MINDY4B: variants seen among roughly 807,000 people sequenced by gnomAD.
MINDY4B encodes the protein inactive ubiquitin carboxyl-terminal hydrolase MINDY-4B.
A neutral mutation model predicts 16.7 loss-of-function variants in MINDY4B; 25 were observed. The ratio of observed to expected loss-of-function variants is 1.49; its 90% CI spans 1.09 to 2.09. MINDY4B has a LOEUF of 2.09. MINDY4B is among the 30% of genes most tolerant of loss of function. The pLI is 0.00. For synonymous variants in MINDY4B, 132 were observed against 61.9 expected, an observed-to-expected ratio of 2.13 and a Z score of -5.32; for missense variants, 327 against 168.4, an observed-to-expected ratio of 1.94 and a Z score of -5.21.
intron 9 of MINDY4B, among the ~76,000 whole-genome samples, chr3:150,883,359 T>A (rs898444857): frequency 6.6e-6 from 1 of 152,216 alleles, no homozygotes; most frequent in Non-Finnish European, 1.5e-5. Flanking sequence ...AGCATGAAGC[T>A]AAGATGTTTT....
chr3:150,891,328 T>C (rs1486310223), intron 5 of MINDY4B, among the ~76,000 whole-genome samples: 4 of 152,218 alleles, frequency 2.6e-5, no homozygotes, highest in Non-Finnish European at 5.9e-5. Flanking sequence ...CTTTACACAG[T>C]GGGAGACCTT....
At chr3:150,878,481 C>T (rs912929393) in intron 10 of MINDY4B, among the ~76,000 whole-genome samples, 1 of 152,122 alleles carries the variant, frequency 6.6e-6, no homozygotes, top group Non-Finnish European at 1.5e-5. Flanking sequence ...TAAACATCCT[C>T]AGGGTTTCAA....
intron 10 of MINDY4B, among the ~76,000 whole-genome samples, chr3:150,874,061 G>A (rs1275353604): frequency 7.2e-6 from 1 of 138,406 alleles, no homozygotes; most frequent in East Asian, 2.1e-4. Context: ...TGTCATCCAG[G>A]CTATAATGCA....
chr3:150,889,339 C>T (rs1034818004), intron 7 of MINDY4B, among the ~76,000 whole-genome samples: 1 of 152,218 alleles, frequency 6.6e-6, no homozygotes, highest in Admixed American at 6.5e-5. Flanking sequence ...CTTCCATCAT[C>T]GAAGCGGATC....
At chr3:150,897,106 A>G (rs1711992090) in intron 3 of MINDY4B, among the ~76,000 whole-genome samples, 1 of 152,126 alleles carries the variant, frequency 6.6e-6, no homozygotes, top group Admixed American at 6.5e-5. Context: ...CTCACTAGGT[A>G]ACTCAAGGAT....
At chr3:150,897,623 A>G (rs955177052) in intron 3 of MINDY4B, among the ~76,000 whole-genome samples, 3 of 152,114 alleles carry the variant, frequency 2.0e-5, no homozygotes, top group Non-Finnish European at 2.9e-5. Context: ...TGTTCTTCCT[A>G]TGTTGGCCCA....
At chr3:150,898,602 T>C (rs1712035340) in intron 3 of MINDY4B, among the ~76,000 whole-genome samples, 1 of 152,250 alleles carries the variant, frequency 6.6e-6, no homozygotes, top group African/African-American at 2.4e-5. Flanking sequence ...GTCTAGTAAC[T>C]AGAAACAGAT....
At chr3:150,896,629 G>A (rs1011344020) in intron 3 of MINDY4B, among the ~76,000 whole-genome samples, 9 of 152,148 alleles carry the variant, frequency 5.9e-5, no homozygotes, top group African/African-American at 2.2e-4. Context: ...CCTGAGAGCT[G>A]CAGTGATTGT....
At chr3:150,871,671 A>G (rs890639875) in intron 11 of MINDY4B, among the ~76,000 whole-genome samples, 13 of 152,160 alleles carry the variant, frequency 8.5e-5, no homozygotes, top group Non-Finnish European at 1.3e-4. Context: ...CAGCATGGTG[A>G]AACCCTGTCT....
intron 3 of MINDY4B, among the ~76,000 whole-genome samples, chr3:150,895,780 TA>T (rs1463047081): frequency 6.6e-6 from 1 of 152,186 alleles, no homozygotes; most frequent in Non-Finnish European, 1.5e-5. Context: ...TCACAGCTCT[TA>T]AGATTCTTTC....
intron 7 of MINDY4B, 84 bp from the exon 8 acceptor site, chr3:150,885,522 A>C: frequency 4.4e-6 from 3 of 677,000 alleles, no homozygotes; most frequent in Non-Finnish European, 8.0e-6. Context: ...AAGGATTTAC[A>C]GGCTGAGAGA....
chr3:150,904,796 A>G (rs1055366280), intron 2 of MINDY4B, among the ~76,000 whole-genome samples: 1 of 152,218 alleles, frequency 6.6e-6, no homozygotes. Flanking sequence ...GGAACTTTCG[A>G]TTTTAATATT....
At chr3:150,893,639 T>C (rs994432444) in intron 4 of MINDY4B, among the ~76,000 whole-genome samples, 3 of 146,294 alleles carry the variant, frequency 2.1e-5, no homozygotes, top group Non-Finnish European at 4.5e-5. Context: ...TGACTGGGGA[T>C]GTATGGCTTC....
intron 10 of MINDY4B, among the ~76,000 whole-genome samples, chr3:150,877,930 G>A (rs2107896638): frequency 6.6e-6 from 1 of 152,216 alleles, no homozygotes; most frequent in Non-Finnish European, 1.5e-5. Context: ...GATAATGGCA[G>A]GCAGCATGGT....
At chr3:150,880,710 T>A (rs1010099146) in intron 10 of MINDY4B, among the ~76,000 whole-genome samples, 6 of 152,190 alleles carry the variant, frequency 3.9e-5, no homozygotes, top group East Asian at 1.9e-4. Flanking sequence ...ATGAAAGAGC[T>A]TTTGTAATAA....
intron 3 of MINDY4B, among the ~76,000 whole-genome samples, chr3:150,899,843 T>C (rs1244442587): frequency 6.6e-6 from 1 of 152,164 alleles, no homozygotes; most frequent in Admixed American, 6.5e-5. Context: ...CTAGACCTTA[T>C]GGGGGGACAC....
chr3:150,884,253 A>G (rs549427512), intron 8 of MINDY4B, among the ~76,000 whole-genome samples: 2 of 152,264 alleles, frequency 1.3e-5, no homozygotes, highest in South Asian at 2.1e-4. Flanking sequence ...CCATGGTCTC[A>G]CCCTTGACAA....
Position 150,882,564 on chromosome 3 carries a change from G to GTATATATATATATATA in MINDY4B, c.1059+317_1059+332dup, listed in dbSNP as rs59302082. The stretch of plus-strand genomic sequence containing the variant: ...TTTTCCTTTGTGTATGTGTATGTGT[G>GTATATATATATATATA]TATATATATATATATATATATATAT... On this transcript the variant is annotated intron_variant, in intron 10 of 11. Coordinates refer to ENST00000465419, the MANE Select transcript of MINDY4B (RefSeq NM_001351281.2). Among the ~76,000 whole-genome samples the GTATATATATATATATA allele has an allele frequency of 3.4e-3, 506 of 147,888 alleles. 1 individual carries two copies. Among genetic ancestry groups the GTATATATATATATATA allele is most frequent in the African/African-American group, 0.012 (490 of 40,078 alleles).
intron 3 of MINDY4B, among the ~76,000 whole-genome samples, chr3:150,896,069 G>T (rs896221344): frequency 6.6e-6 from 1 of 151,954 alleles, no homozygotes; most frequent in Non-Finnish European, 1.5e-5. Flanking sequence ...CATATTTTCG[G>T]ATTCTTTTTT....
Sources: allele counts gnomAD v4.1 joint callset (sites outside exome capture counted in the v4.1 genomes callset), GRCh38; gene constraint gnomAD v4.1.1; transcripts MANE v1.5; gene names NCBI Gene and HGNC (gene_info 2026-07-23, HGNC 2026-07-21).